GRM4: variants seen among roughly 807,000 people sequenced by gnomAD.
GRM4 encodes the protein glutamate metabotropic receptor 4.
A neutral mutation model predicts 81.7 loss-of-function variants in GRM4; 28 were observed. That is an observed-to-expected ratio of 0.34 (90% CI 0.25 to 0.47). The LOEUF (loss-of-function observed/expected upper bound fraction) is 0.47. GRM4 is among the 20% of genes least tolerant of loss of function. GRM4 has a pLI of 1.00. For synonymous variants in GRM4, 488 were observed against 528.8 expected (o/e 0.92, Z 1.06); for missense variants, 948 against 1,290.0 (o/e 0.73, Z 4.06).
rs116627672 is a variant in GRM4, at chr6:34,089,855, T to C, written c.736+2028A>G. Among the ~76,000 whole-genome samples the C allele has an allele frequency of 0.01, 1,546 of 152,090 alleles. 28 individuals are homozygous for C. Among genetic ancestry groups the C allele is most frequent in the African/African-American group, 0.035 (1,447 of 41,462 alleles). ...TCCCTCCAGGCTGTGTGTACATGGG[T>C]GTGCCTGTGTGTCCCTGTCATACCC... is the stretch of plus-strand genomic sequence containing the variant. On this transcript the variant is annotated intron_variant, in intron 3 of 10. Transcript: ENST00000538487. The surrounding 1 kb of genome is among the most constrained non-coding windows in gnomAD (Gnocchi z 4.3).
At position 34,111,114 on chromosome 6, in the gene GRM4, T is replaced by TAC. The variant is rs56326901; in HGVS notation, c.520-19017_520-19016dup. 10,331 of 143,926 alleles carry TAC rather than the reference T, an allele frequency of 0.072. 378 individuals carry two copies. Among genetic ancestry groups the TAC allele is most frequent in the African/African-American group, 0.11 (3,898 of 36,596 alleles). The allele number at this position is 143,926 out of a possible 1,614,324, so 8.9% of individuals were successfully genotyped here. A position where few individuals can be genotyped will look rare whatever the true frequency, so the allele number is the denominator to read the frequency against. On this transcript the variant is annotated intron_variant, in intron 2 of 10. Transcript: ENST00000538487. The surrounding 1 kb of genome is among the most constrained non-coding windows in gnomAD (Gnocchi z 5.1). ...GAGGAGGAGACACACACAGGCCACA[T>TAC]ACACACACACACACACACACACACA...
At chr6:34,103,204 G>A (rs1768930757) in intron 2 of GRM4, among the ~76,000 whole-genome samples, 1 of 152,216 alleles carries the variant, frequency 6.6e-6, no homozygotes. Context: ...TAATTTCCAG[G>A]CCCATTCTGA....
At chr6:34,037,861 C>CAAAAAAA (rs34369343) in intron 8 of GRM4, among the ~76,000 whole-genome samples, 1 of 116,174 alleles carries the variant, frequency 8.6e-6, no homozygotes, top group Non-Finnish European at 1.8e-5. Flanking sequence ...GATTCCGTCT[C>CAAAAAAA]AAAAAAAAAA....
At chr6:34,129,056 C>T (rs897980476) in intron 2 of GRM4, among the ~76,000 whole-genome samples, 1 of 151,966 alleles carries the variant, frequency 6.6e-6, no homozygotes, top group Non-Finnish European at 1.5e-5. Flanking sequence ...ACTCTGTCAC[C>T]CAGGCTGGAG....
intron 2 of GRM4, among the ~76,000 whole-genome samples, chr6:34,095,395 C>T (rs1331315701): frequency 6.6e-6 from 1 of 152,200 alleles, no homozygotes; most frequent in Non-Finnish European, 1.5e-5. Flanking sequence ...CTTTGGGGAG[C>T]TATACTGCTT....
chr6:34,114,971 A>G lies in GRM4; in HGVS notation c.519+18007T>C, dbSNP rs1769531272. Among the ~76,000 whole-genome samples, 1 of 152,234 alleles carries G rather than the reference A, an allele frequency of 6.6e-6. No homozygotes were observed. The highest frequency in any genetic ancestry group is 6.5e-5 in the Admixed American group (1 of 15,288). On this transcript the variant is annotated intron_variant, in intron 2 of 10. Transcript: ENST00000538487. The surrounding 1 kb of genome is among the most constrained non-coding windows in gnomAD (Gnocchi z 4.3). ...AAAACACAGCCCAGGAAGCATGTCC[A>G]TTAAGAGAAGCCTTTCCTCCAGGTT...
intron 10 of GRM4, among the ~76,000 whole-genome samples, chr6:34,023,530 C>A (rs1763990984): frequency 6.6e-6 from 1 of 152,102 alleles, no homozygotes; most frequent in Admixed American, 6.5e-5. Flanking sequence ...AAACACAAGT[C>A]CCCCAGATCC....
chr6:34,109,786 G>A (rs574615868), intron 2 of GRM4, among the ~76,000 whole-genome samples: 2 of 152,140 alleles, frequency 1.3e-5, no homozygotes, highest in African/African-American at 2.4e-5. Context: ...CAGCACCTGC[G>A]GCTGCCAGGC....
chr6:34,044,393 T>G (rs201890004), intron 6 of GRM4, among the ~76,000 whole-genome samples: 4 of 139,772 alleles, frequency 2.9e-5, no homozygotes, highest in Non-Finnish European at 6.2e-5. Context: ...TAGACATACA[T>G]ACATACACAT....
intron 2 of GRM4, among the ~76,000 whole-genome samples, chr6:34,098,412 G>A (rs553196302): frequency 2.5e-4 from 38 of 152,308 alleles, no homozygotes; most frequent in Admixed American, 1.6e-3. Context: ...CCTCCTTGCT[G>A]ACTCTGCTCT....
At position 34,059,348 on chromosome 6, in the gene GRM4, C is replaced by T. The variant is rs1420921511; in HGVS notation, c.873-220G>A. On this transcript the variant is annotated intron_variant, in intron 4 of 10. Coordinates refer to ENST00000538487, the MANE Select transcript of GRM4 (RefSeq NM_000841.4). The surrounding 1 kb of genome is among the most constrained non-coding windows in gnomAD (Gnocchi z 5.7). ...CTACCGCCTCATCCAACCTGCCTGC[C>T]CCTGGGCCCACGCCTGCTGCAGGCC... 5.2e-6 allele frequency: 3 copies of T among 581,252 alleles called. No homozygotes were observed. The East Asian group carries it at 8.6e-5, about 17-fold the overall frequency. 36.0% of individuals were successfully genotyped at this position (581,252 alleles called of 1,614,324 possible).
chr6:34,101,906 G>T (rs1326295492), intron 2 of GRM4: 3 of 903,926 alleles, frequency 3.3e-6, no homozygotes, highest in Non-Finnish European at 5.0e-6. Context: ...GCCAGAGAGT[G>T]ATCTCGTGGC....
At chr6:34,096,060 C>A (rs542921872) in intron 2 of GRM4, among the ~76,000 whole-genome samples, 1 of 152,260 alleles carries the variant, frequency 6.6e-6, no homozygotes, top group South Asian at 2.1e-4. Flanking sequence ...GGAATGGTGC[C>A]CGCCCTGGTG....
intron 2 of GRM4, among the ~76,000 whole-genome samples, chr6:34,094,323 C>T (rs1261319458): frequency 1.3e-5 from 2 of 152,196 alleles, no homozygotes; most frequent in African/African-American, 4.8e-5. Flanking sequence ...TGCACGTCTT[C>T]CACCCATTTG....
intron 2 of GRM4, among the ~76,000 whole-genome samples, chr6:34,098,962 G>A (rs1489943): frequency 0.35 from 52,136 of 148,750 alleles, 10,687 homozygotes; most frequent in Non-Finnish European, 0.47. Context: ...GCTGGGAGCC[G>A]GTCTCACCTG....
chr6:34,070,709 C>T lies in GRM4; in HGVS notation c.737-8681G>A, dbSNP rs747462971. ...ACAGCTGGGCGGGGGGACCAGGGCACCAGGATTATCCAAGGCAGCACACAC... is the reference window on the plus strand; with the variant it reads ...ACAGCTGGGCGGGGGGACCAGGGCATCAGGATTATCCAAGGCAGCACACAC... On this transcript the variant is annotated intron_variant, in intron 3 of 10. Transcript: ENST00000538487. This position sits in a 1 kb window ranked among gnomAD's most constrained non-coding sequence, Gnocchi z 4.6. Among the ~76,000 whole-genome samples the T allele has an allele frequency of 2.0e-4, 30 of 151,566 alleles. No individual in the cohort carries two copies. The highest frequency in any genetic ancestry group is 2.6e-4 in the Admixed American group (4 of 15,198).
intron 2 of GRM4, chr6:34,102,043 T>C: frequency 6.5e-7 from 1 of 1,535,656 alleles, no homozygotes; most frequent in Non-Finnish European, 8.7e-7. Flanking sequence ...CCCCAAAGCA[T>C]GGCCCTGAAG....
intron 2 of GRM4, chr6:34,110,519 T>C (rs984227179): frequency 1.5e-5 from 6 of 408,436 alleles, no homozygotes; most frequent in South Asian, 6.4e-5. Flanking sequence ...CTCTGCCAAC[T>C]GGGCTTTTCC....
rs1765437768 is a variant in GRM4, at chr6:34,048,043, G to C, written c.1169-7295C>G. Among the ~76,000 whole-genome samples the C allele has an allele frequency of 6.6e-6, 1 of 152,212 alleles. No individual in the cohort carries two copies. Among genetic ancestry groups the C allele is most frequent in the South Asian group, 2.1e-4 (1 of 4,834 alleles). On this transcript the variant is annotated intron_variant, in intron 6 of 10. Transcript: ENST00000538487. This position sits in a 1 kb window ranked among gnomAD's most constrained non-coding sequence, Gnocchi z 4.0. ...ATGACCACAGCAGCAGAGAAGCCGT[G>C]TCTCTCAGACTGGGAGAGCTCACTT...
Sources: gnomAD v4.1 joint callset for allele counts (sites outside exome capture counted in the v4.1 genomes callset) on GRCh38, gnomAD v4.1.1 for gene constraint, Gnocchi (gnomAD v3.1) non-coding constraint, MANE v1.5 for transcripts, NCBI Gene and HGNC (gene_info 2026-07-23, HGNC 2026-07-21) for gene names.